TTC39B: variants seen among roughly 807,000 people sequenced by gnomAD.
TTC39B encodes tetratricopeptide repeat protein 39B.
In TTC39B, 92 loss-of-function variants were observed where a neutral mutation model predicts 96.6. That is an observed-to-expected ratio of 0.95 (90% CI 0.80 to 1.13). The LOEUF (loss-of-function observed/expected upper bound fraction) is 1.13, where lower values mean the gene tolerates loss of function less well. TTC39B is among the 50% of genes most tolerant of loss of function. The pLI is 0.00. For missense variants in TTC39B, 955 were observed against 809.3 expected (o/e 1.18, Z -2.18); for synonymous variants, 367 against 299.4 (o/e 1.23, Z -2.33).
chr9:15,175,259 C>A (rs147166509), intron 18 of TTC39B, 124 bp from the exon 19 acceptor site: 3 of 651,250 alleles, frequency 4.6e-6, no homozygotes, highest in Non-Finnish European at 7.8e-6. Flanking sequence ...CATAGAAAGG[C>A]GGCCATTGTA....
intron 2 of TTC39B, among the ~76,000 whole-genome samples, chr9:15,233,961 GC>G (rs1821605206): frequency 1.3e-5 from 2 of 151,028 alleles, no homozygotes; most frequent in African/African-American, 2.4e-5. Flanking sequence ...GAGCGTCTCT[GC>G]CCCGCCGCCC....
At chr9:15,271,633 C>T (rs898728521) in intron 1 of TTC39B, among the ~76,000 whole-genome samples, 6 of 152,192 alleles carry the variant, frequency 3.9e-5, no homozygotes, top group Non-Finnish European at 7.3e-5. Flanking sequence ...GCCCACCACT[C>T]ACCTCCTGCT....
intron 2 of TTC39B, among the ~76,000 whole-genome samples, chr9:15,248,572 GC>G (rs1317569306): frequency 6.6e-6 from 1 of 151,990 alleles, no homozygotes; most frequent in African/African-American, 2.4e-5. Context: ...CCAGAGCCTG[GC>G]AAGAGCTTCG....
intron 2 of TTC39B, chr9:15,250,107 C>G (rs1822466245): frequency 7.9e-7 from 1 of 1,258,622 alleles, no homozygotes; most frequent in Admixed American, 2.6e-5. Context: ...TTCTCAGGCA[C>G]AAGCAAAGTA....
chr9:15,256,867 C>T (rs1822770611), intron 2 of TTC39B, among the ~76,000 whole-genome samples: 1 of 152,098 alleles, frequency 6.6e-6, no homozygotes, highest in Admixed American at 6.5e-5. Flanking sequence ...ATGTGGGAGC[C>T]CAACCACCTC....
At chr9:15,275,272 C>G (rs964122381) in intron 1 of TTC39B, among the ~76,000 whole-genome samples, 4 of 152,134 alleles carry the variant, frequency 2.6e-5, no homozygotes, top group African/African-American at 9.7e-5. Context: ...AACTCCTGAC[C>G]TCAGGTGATC....
At chr9:15,268,782 G>A (rs1823229958) in intron 1 of TTC39B, among the ~76,000 whole-genome samples, 1 of 152,130 alleles carries the variant, frequency 6.6e-6, no homozygotes, top group African/African-American at 2.4e-5. Flanking sequence ...CTACTCCTGT[G>A]CTTGACACCC....
chr9:15,296,121 A>G (rs4741484), intron 1 of TTC39B, among the ~76,000 whole-genome samples: 58,199 of 152,078 alleles, frequency 0.38, 12,858 homozygotes, highest in East Asian at 0.59. Context: ...GTCTGAGAAA[A>G]CAGGGAGGGA....
At chr9:15,307,043 G>C (rs764065065) in intron 1 of TTC39B, 41 bp downstream of exon 1, 10 of 1,599,252 alleles carry the variant, frequency 6.3e-6, no homozygotes, top group Non-Finnish European at 8.5e-6. Flanking sequence ...CTCCTGTCCA[G>C]GGCTTCAGGG....
intron 1 of TTC39B, among the ~76,000 whole-genome samples, chr9:15,302,940 C>A (rs1231852005): frequency 6.6e-6 from 1 of 151,960 alleles, no homozygotes; most frequent in Non-Finnish European, 1.5e-5. Context: ...GAGGCTGAGG[C>A]GGCCGGATCA....
chr9:15,218,908 T>C (rs1820683821), intron 3 of TTC39B, among the ~76,000 whole-genome samples: 1 of 152,070 alleles, frequency 6.6e-6, no homozygotes, highest in Non-Finnish European at 1.5e-5. Flanking sequence ...CCCAAGGCCA[T>C]TTTCTATTAC....
At chr9:15,207,959 G>A (rs1445123902) in intron 6 of TTC39B, among the ~76,000 whole-genome samples, 3 of 143,744 alleles carry the variant, frequency 2.1e-5, no homozygotes. Flanking sequence ...ACTCCAGCCT[G>A]GGCAACAGAG....
At chr9:15,166,774 C>G (rs1436717355) in exon 20 of TTC39B, 3 of 151,154 alleles carry the variant, frequency 2.0e-5, no homozygotes, top group Admixed American at 6.6e-5. Flanking sequence ...TCCTGCATTT[C>G]TTTGGAAAGA....
At chr9:15,301,623 G>A (rs1824592950) in intron 1 of TTC39B, among the ~76,000 whole-genome samples, 1 of 152,008 alleles carries the variant, frequency 6.6e-6, no homozygotes, top group Non-Finnish European at 1.5e-5. Flanking sequence ...GGTCGTGGTG[G>A]TGCATGCCTG....
chr9:15,298,791 A>G (rs923198279), intron 1 of TTC39B, among the ~76,000 whole-genome samples: 1 of 152,110 alleles, frequency 6.6e-6, no homozygotes, highest in African/African-American at 2.4e-5. Context: ...TGGAGAACTA[A>G]CAAAGTACCC....
chr9:15,304,489 T>TA (rs1824694083), intron 1 of TTC39B, among the ~76,000 whole-genome samples: 1 of 152,138 alleles, frequency 6.6e-6, no homozygotes, highest in African/African-American at 2.4e-5. Flanking sequence ...TACTAGCACC[T>TA]AAAAAACACA....
intron 2 of TTC39B, among the ~76,000 whole-genome samples, chr9:15,266,546 T>C (rs1823137382): frequency 1.3e-5 from 2 of 152,168 alleles, no homozygotes; most frequent in Admixed American, 1.3e-4. Flanking sequence ...TACCCAGTGA[T>C]GATAATGTGA....
In TTC39B at chr9:15,267,687, A is replaced by G. The variant is rs553263030; in HGVS notation, c.275+227T>C. ...ATAAACAAATACTTTGTTGAGAAAT[A>G]TTTTATTTTGTTACAAGAAATAATA... On this transcript the variant is annotated intron_variant, in intron 2 of 19. Coordinates refer to ENST00000512701, the Ensembl canonical transcript of TTC39B. Among the ~76,000 whole-genome samples, 3 of 152,312 alleles carry G rather than the reference A, an allele frequency of 2.0e-5. No individual in the cohort carries two copies. In the South Asian group the frequency reaches 6.2e-4, roughly 32 times the overall value.
chr9:15,272,157 T>G (rs1207677939), intron 1 of TTC39B, among the ~76,000 whole-genome samples: 1 of 152,214 alleles, frequency 6.6e-6, no homozygotes, highest in East Asian at 1.9e-4. Context: ...AAGCTCCTTT[T>G]CCTTGTGTGA....
Sources: gnomAD v4.1 joint callset for allele counts (sites outside exome capture counted in the v4.1 genomes callset) on GRCh38, gnomAD v4.1.1 for gene constraint, MANE v1.5 for transcripts, NCBI Gene and HGNC (gene_info 2026-07-23, HGNC 2026-07-21) for gene names.